ZFP64: variants seen among roughly 807,000 people sequenced by gnomAD.
ZFP64 encodes zinc finger protein 64.
Under a neutral mutation model 51.6 loss-of-function variants are expected in ZFP64, and 14 were observed. The observed-to-expected ratio is 0.27, with a 90% CI of 0.18 to 0.42. The LOEUF (loss-of-function observed/expected upper bound fraction) is 0.42. Among genes scored for constraint, ZFP64 ranks in the 10% least tolerant of loss-of-function variants. ZFP64 has a pLI of 1.00. For missense variants in ZFP64, 754 were observed against 906.8 expected, an observed-to-expected ratio of 0.83 and a Z score of 2.16; for synonymous variants, 375 against 361.4, an observed-to-expected ratio of 1.04 and a Z score of -0.43.
intron 5 of ZFP64, among the ~76,000 whole-genome samples, chr20:52,116,929 G>T (rs142752445): frequency 1.7e-3 from 252 of 152,192 alleles, no homozygotes; most frequent in African/African-American, 5.9e-3. Context: ...AATTAGCTGG[G>T]CATGGTGGTG....
At chr20:52,116,442 CTTTCT>C (rs143256402) in intron 5 of ZFP64, among the ~76,000 whole-genome samples, 25,931 of 147,316 alleles carry the variant, frequency 0.18, 2,348 homozygotes, top group Non-Finnish European at 0.21. Context: ...GGCCATATTT[CTTTCT>C]TTTTTTTTTT....
rs753726307 is a variant in ZFP64 at position 52,165,903 on chromosome 20, T to C, written c.409A>G (p.Thr137Ala). The C allele has an allele frequency of 3.7e-6, 6 of 1,614,002 alleles. No individual in the cohort carries two copies. In the Admixed American group the frequency reaches 6.7e-5, roughly 18 times the overall value. Residue 137 changes from threonine to alanine, a missense_variant, in exon 3 of 6, where the codon ACA becomes GCA. Around this residue, in one of 3 missense-constraint regions of ZFP64, gnomAD observed 231 missense variants for 336.7 expected, o/e 0.69. Transcript: ENST00000216923. Reference sequence around the variant, plus strand: ...TTAAGCCTTTTCTGAGCAGGTGGTGTTGTGGGCTTTTTGGTGCGTGACTTG... The same window carrying C: ...TTAAGCCTTTTCTGAGCAGGTGGTGCTGTGGGCTTTTTGGTGCGTGACTTG... The part of the protein sequence containing the change: ...PAKSRTKKPT[T>A]PPAQKRLNCC...
chr20:52,105,425 T>C (rs188953064), intron 5 of ZFP64: 1 of 1,199,412 alleles, frequency 8.3e-7, no homozygotes, highest in African/African-American at 1.6e-5. Context: ...ACCCCAGGAG[T>C]CCCGCGGACT....
chr20:52,153,201 G>A lies in ZFP64; in HGVS notation c.991C>T (p.Arg331Trp). Residue 331 changes from arginine (R) to tryptophan (W), a missense_variant, in exon 6 of 6, where the codon CGG (arginine) becomes TGG (tryptophan). Arg to Trp is a moderately radical substitution (Grantham distance 101). Coordinates refer to ENST00000216923, the MANE Select transcript of ZFP64 (RefSeq NM_018197.3). The surrounding 1 kb of genome is among the most constrained non-coding windows in gnomAD (Gnocchi z 5.1). ...DFLGDSKATL[R>W]KHSRVHQSEH... ...GACTGGTGCACGCGGCTGTGCTTCC[G>A]GAGGGTGGCTTTGCTGTCACCCAGG... 3.7e-6 allele frequency: 6 copies of A among 1,614,172 alleles called. No homozygotes were observed. The highest frequency in any genetic ancestry group is 5.1e-6 in the Non-Finnish European group (6 of 1,180,014).
intron 5 of ZFP64, among the ~76,000 whole-genome samples, chr20:52,103,200 C>G (rs2079072023): frequency 6.6e-6 from 1 of 152,110 alleles, no homozygotes; most frequent in Non-Finnish European, 1.5e-5. Context: ...CCTGGGGAAA[C>G]GGATGATGTT....
rs746539783 is a variant in ZFP64, at chr20:52,084,600, A to AC, written c.1894dup (p.Val632GlyfsTer28). 6.2e-7 allele frequency: 1 copy of AC among 1,614,072 alleles called. No homozygotes were observed. Among genetic ancestry groups the AC allele is most frequent in the Non-Finnish European group, 8.5e-7 (1 of 1,180,022 alleles). On this transcript the variant is annotated frameshift_variant, in exon 9 of 9. Coordinates refer to the ZFP64 transcript ENST00000361387. LOFTEE classifies it high-confidence loss of function. ...CTCTAGGGGAGCCTCGAGCTGCCCC[A>AC]CGGAGACCAGGGTGCTGAGCTGTCC...
rs564237621 is a variant in ZFP64 at position 52,122,143 on chromosome 20, T to C, written c.764-23556A>G. 1.3e-4 allele frequency among the ~76,000 whole-genome samples: 20 copies of C among 152,316 alleles called. 1 individual carries two copies. The South Asian group carries it at 3.9e-3, about 30-fold the overall frequency. On this transcript the variant is annotated intron_variant, in intron 5 of 8. Transcript: ENST00000361387. ...ATGTAGATGTACAAGGAGATGAATG[T>C]TGTTTTCATGCCTGCTGACACAACC...
intron 5 of ZFP64, among the ~76,000 whole-genome samples, chr20:52,137,769 T>G (rs2122900156): frequency 6.6e-6 from 1 of 152,196 alleles, no homozygotes. Flanking sequence ...GAAGATGAAG[T>G]CCAAAAGCTT....
At position 52,191,554 on chromosome 20, in the gene ZFP64, G is replaced by T; in HGVS notation, c.46+37C>A. 1 of 1,541,678 alleles carries T rather than the reference G, an allele frequency of 6.5e-7. No homozygotes were observed. ...GCCCGGGCCCCGGAGCGCGCACTGGGCCCCGGAGCGCGCACTGCTCCCGGA... is the reference window on the plus strand; with the variant it reads ...GCCCGGGCCCCGGAGCGCGCACTGGTCCCCGGAGCGCGCACTGCTCCCGGA... On this transcript the variant is annotated intron_variant, in intron 1 of 5. Transcript: ENST00000216923. The surrounding 1 kb of genome is among the most constrained non-coding windows in gnomAD (Gnocchi z 4.3).
exon 8 of ZFP64, chr20:52,088,633 C>T (rs776477749): frequency 1.4e-5 from 22 of 1,613,998 alleles, no homozygotes; most frequent in African/African-American, 6.7e-5. Flanking sequence ...CACACTTGTG[C>T]GGTTTGTCTC....
chr20:52,110,368 C>A, intron 5 of ZFP64: 1 of 529,356 alleles, frequency 1.9e-6, no homozygotes, highest in South Asian at 4.0e-5. Context: ...TCTCAGCCCC[C>A]TTCTTCTGGA....
chr20:52,169,226 T>C (rs1982517320), intron 2 of ZFP64, among the ~76,000 whole-genome samples: 1 of 152,162 alleles, frequency 6.6e-6, no homozygotes, highest in Non-Finnish European at 1.5e-5. Flanking sequence ...TCAACAGGGA[T>C]ATATTACAGT....
intron 5 of ZFP64, among the ~76,000 whole-genome samples, chr20:52,127,695 G>A (rs1214404965): frequency 6.6e-6 from 1 of 152,156 alleles, no homozygotes; most frequent in Non-Finnish European, 1.5e-5. Flanking sequence ...GATTAATACA[G>A]GAAGCAAGAC....
chr20:52,189,064 T>A (rs1226265454), intron 1 of ZFP64, among the ~76,000 whole-genome samples: 1 of 152,246 alleles, frequency 6.6e-6, no homozygotes, highest in Non-Finnish European at 1.5e-5. Context: ...TTTCCATCTC[T>A]GCCTACCATG....
chr20:52,094,230 G>A (rs1487696987), intron 7 of ZFP64, among the ~76,000 whole-genome samples: 2 of 152,160 alleles, frequency 1.3e-5, no homozygotes, highest in Non-Finnish European at 2.9e-5. Context: ...CTCCTTCTAT[G>A]CTCCTAAGGA....
intron 5 of ZFP64, among the ~76,000 whole-genome samples, chr20:52,113,284 C>A (rs1568953371): frequency 6.6e-6 from 1 of 151,674 alleles, no homozygotes; most frequent in Non-Finnish European, 1.5e-5. Context: ...CAGTGAGCCG[C>A]GAATGCGCCA....
chr20:52,148,969 G>A (rs563755476), downstream of ZFP64, among the ~76,000 whole-genome samples: 1 of 152,244 alleles, frequency 6.6e-6, no homozygotes, highest in East Asian at 1.9e-4. Context: ...GACTGATGTC[G>A]GGTTAATGTC....
At chr20:52,090,849 C>T (rs1325041578) in intron 7 of ZFP64, among the ~76,000 whole-genome samples, 1 of 137,636 alleles carries the variant, frequency 7.3e-6, no homozygotes, top group African/African-American at 2.8e-5. Flanking sequence ...CATCTGTAAT[C>T]CCAACACTTT....
Position 52,151,912 on chromosome 20 carries a change from C to G in ZFP64, c.*234G>C. ...ATTAGCCAGTCATGATGTCGTACAC[C>G]TGTGGTCCCAGCTACTCGGAGGGCT... On this transcript the variant is annotated 3_prime_UTR_variant, in exon 6 of 6. Coordinates refer to ENST00000216923, the MANE Select transcript of ZFP64 (RefSeq NM_018197.3). 1 of 1,075,158 alleles carries G rather than the reference C, an allele frequency of 9.3e-7. No homozygotes were observed. Among genetic ancestry groups the G allele is most frequent in the Non-Finnish European group, 1.3e-6 (1 of 799,036 alleles). 66.6% of individuals were successfully genotyped at this position (1,075,158 alleles called of 1,614,324 possible). A position where few individuals can be genotyped will look rare whatever the true frequency, so the allele number is the denominator to read the frequency against.
Sources: gnomAD v4.1 joint callset for allele counts (sites outside exome capture counted in the v4.1 genomes callset) on GRCh38, gnomAD v4.1.1 for gene constraint, gnomAD v4.1.1 regional missense constraint, Gnocchi (gnomAD v3.1) non-coding constraint, MANE v1.5 for transcripts, NCBI Gene and HGNC (gene_info 2026-07-23, HGNC 2026-07-21) for gene names.